Variants in NUP210L observed in about 807,000 individuals in gnomAD.
The protein encoded by NUP210L is nucleoporin 210 like, also known as nuclear pore membrane glycoprotein 210-like.
NUP210L carries 74 observed loss-of-function variants against 208.5 expected under a neutral mutation model. The observed-to-expected ratio is 0.35, with a 90% confidence interval of 0.29 to 0.43. The LOEUF (loss-of-function observed/expected upper bound fraction) is 0.43. NUP210L is among the 20% of genes least tolerant of loss of function. The pLI, the probability that NUP210L is intolerant of heterozygous loss-of-function variation, is 1.00. For synonymous variants in NUP210L, 780 were observed against 816.9 expected (o/e 0.95, Z 0.77); for missense variants, 1,843 against 2,289.4 (o/e 0.81, Z 3.98).
chr1:154,138,275 C>T (rs1329454072), intron 5 of NUP210L, 37 bp from the exon 6 acceptor site: 2 of 1,511,354 alleles, frequency 1.3e-6, no homozygotes, highest in African/African-American at 2.9e-5. Flanking sequence ...AAAACAGTTT[C>T]CATGGACGGA....
intron 23 of NUP210L, among the ~76,000 whole-genome samples, chr1:154,055,183 CTTTCT>C (rs1653791915): frequency 1.9e-5 from 2 of 106,438 alleles, no homozygotes; most frequent in Non-Finnish European, 2.1e-5. Flanking sequence ...TTCTTTCTTT[CTTTCT>C]TTTTCTTTCT....
chr1:154,075,836 C>T (rs1015971753), intron 16 of NUP210L, among the ~76,000 whole-genome samples: 2 of 151,554 alleles, frequency 1.3e-5, no homozygotes, highest in Non-Finnish European at 2.9e-5. Flanking sequence ...ATTGCCCAGG[C>T]TGGAATGCAG....
intron 17 of NUP210L, among the ~76,000 whole-genome samples, chr1:154,065,733 A>G (rs1023208161): frequency 6.6e-6 from 1 of 151,964 alleles, no homozygotes; most frequent in Non-Finnish European, 1.5e-5. Context: ...TCTCTACTAA[A>G]ATACAAAAAA....
chr1:154,011,688 T>C, intron 34 of NUP210L, among the ~76,000 whole-genome samples: 1 of 133,468 alleles, frequency 7.5e-6, no homozygotes. Context: ...AGTTTTTTTT[T>C]TTTTTTTTTT....
At chr1:154,085,837 A>G (rs892415895) in intron 16 of NUP210L, among the ~76,000 whole-genome samples, 11 of 152,240 alleles carry the variant, frequency 7.2e-5, no homozygotes, top group Non-Finnish European at 1.5e-4. Context: ...ATTTGCAACA[A>G]GAGTGCCAAG....
chr1:154,065,892 C>CAAAAAAA (rs58053478), intron 17 of NUP210L, among the ~76,000 whole-genome samples: 16 of 61,112 alleles, frequency 2.6e-4, no homozygotes, highest in South Asian at 6.7e-4. Context: ...GACTCTGTCT[C>CAAAAAAA]AAAAAAAAAA....
chr1:154,130,330 C>T (rs1285598982), intron 7 of NUP210L, among the ~76,000 whole-genome samples: 1 of 151,642 alleles, frequency 6.6e-6, no homozygotes, highest in South Asian at 2.1e-4. Context: ...TAGAGTGCAA[C>T]AGCATGATCT....
chr1:154,138,450 CAGACTT>C (rs775493125), intron 5 of NUP210L, among the ~76,000 whole-genome samples: 4 of 152,044 alleles, frequency 2.6e-5, no homozygotes, highest in African/African-American at 4.8e-5. Context: ...CTAAGATACT[CAGACTT>C]AGAACAAAAA....
In NUP210L at chr1:154,089,375, G is replaced by A. The variant is rs1479257074; in HGVS notation, c.2361+46C>T. ...ATTCCAGACTCTATCTCTAAAGCAC[G>A]GAATATAAAAGTGCCAACTTAGTTG... On this transcript the variant is annotated intron_variant, in intron 16 of 39. Transcript: ENST00000368559. 1.5e-5 allele frequency: 23 copies of A among 1,513,870 alleles called. No individual in the cohort carries two copies. The Middle Eastern group carries it at 5.2e-4, about 34-fold the overall frequency. The allele number at this position is 1,513,870 out of a possible 1,614,324, so 93.8% of individuals were successfully genotyped here.
chr1:154,117,985 A>G (rs2148097832), intron 11 of NUP210L, 105 bp from the exon 12 acceptor site: 2 of 768,220 alleles, frequency 2.6e-6, no homozygotes, highest in South Asian at 3.7e-5. Context: ...TAGTAACATA[A>G]TATAATAAAT....
intron 34 of NUP210L, among the ~76,000 whole-genome samples, chr1:154,011,077 G>T (rs1650886139): frequency 6.6e-6 from 1 of 151,970 alleles, no homozygotes; most frequent in South Asian, 2.1e-4. Flanking sequence ...GTTATCATTG[G>T]GTCAGCTGCA....
chr1:154,074,072 G>C (rs1654917914), intron 16 of NUP210L, among the ~76,000 whole-genome samples: 1 of 148,918 alleles, frequency 6.7e-6, no homozygotes, highest in South Asian at 2.2e-4. Context: ...AAATTTACTT[G>C]CACATAATAT....
chr1:154,015,603 C>T (rs1224141614), intron 33 of NUP210L, among the ~76,000 whole-genome samples: 1 of 151,876 alleles, frequency 6.6e-6, no homozygotes, highest in Non-Finnish European at 1.5e-5. Flanking sequence ...GCCTGTAATC[C>T]CAGCTACATG....
intron 1 of NUP210L, among the ~76,000 whole-genome samples, chr1:154,153,550 T>C (rs1571337580): frequency 6.6e-6 from 1 of 152,316 alleles, no homozygotes; most frequent in African/African-American, 2.4e-5. Context: ...CTTCAAGTGA[T>C]CTGCCTGCCC....
intron 33 of NUP210L, among the ~76,000 whole-genome samples, chr1:154,014,941 T>C (rs1015704591): frequency 2.6e-5 from 4 of 152,076 alleles, no homozygotes; most frequent in African/African-American, 9.7e-5. Flanking sequence ...AAGGTGGAGG[T>C]TGCAGTTACC....
In NUP210L at chr1:154,113,389, G is replaced by A. The variant is rs185109358; in HGVS notation, c.1620+4336C>T. 9.1e-4 allele frequency among the ~76,000 whole-genome samples: 138 copies of A among 151,678 alleles called. 3 individuals are homozygous for A. The highest frequency in any genetic ancestry group is 3.3e-3 in the African/African-American group (135 of 41,394). Reference sequence around the variant, plus strand: ...ATCACTCTACATTTTTAAATTTATTGATCTCTTTAAAGCATCTAACTCCAT... The same window carrying A: ...ATCACTCTACATTTTTAAATTTATTAATCTCTTTAAAGCATCTAACTCCAT... On this transcript the variant is annotated intron_variant, in intron 12 of 39. Coordinates refer to ENST00000368559, the Ensembl canonical transcript of NUP210L.
chr1:154,129,465 T>G, intron 7 of NUP210L, 120 bp from the exon 8 acceptor site: 2 of 689,860 alleles, frequency 2.9e-6, no homozygotes, highest in South Asian at 3.8e-5. Context: ...ATCCTATCTT[T>G]TATTATCCTT....
intron 27 of NUP210L, among the ~76,000 whole-genome samples, chr1:154,042,270 CAT>C (rs1386341996): frequency 6.6e-6 from 1 of 151,730 alleles, no homozygotes; most frequent in Non-Finnish European, 1.5e-5. Context: ...TGGCTAATCT[CAT>C]GTGTGTTTTT....
chr1:154,100,447 TAAA>T (rs796143273), intron 13 of NUP210L, among the ~76,000 whole-genome samples: 1 of 95,732 alleles, frequency 1.0e-5, no homozygotes, highest in Non-Finnish European at 2.1e-5. Flanking sequence ...AGACCTTACC[TAAA>T]AAAAAAAAAA....
Sources: allele counts gnomAD v4.1 joint callset (sites outside exome capture counted in the v4.1 genomes callset), GRCh38; gene constraint gnomAD v4.1.1; transcripts MANE v1.5; gene names NCBI Gene and HGNC (gene_info 2026-07-23, HGNC 2026-07-21).